The following DSCAM variants were observed in gnomAD, a reference collection of about 807,000 sequenced individuals.
The protein encoded by DSCAM is cell adhesion molecule DSCAM.
Under a neutral mutation model 217.7 loss-of-function variants are expected in DSCAM, and 47 were observed. That is an observed-to-expected ratio of 0.22 (90% CI 0.17 to 0.28). The LOEUF is 0.28. Ranked by LOEUF, DSCAM falls within the 10% of genes least tolerant of loss-of-function variation. The pLI is 1.00. For missense variants in DSCAM, 2,080 were observed against 2,618.3 expected (o/e 0.79, Z 4.49); for synonymous variants, 1,056 against 1,015.3 (o/e 1.04, Z -0.76).
intron 3 of DSCAM, among the ~76,000 whole-genome samples, chr21:40,437,857 A>C (rs1474894836): frequency 6.6e-6 from 1 of 152,188 alleles, no homozygotes; most frequent in Non-Finnish European, 1.5e-5. Context: ...TCTCAAAAAA[A>C]CAAAAGAAAA....
At chr21:40,485,713 T>C (rs1033123905) in intron 3 of DSCAM, among the ~76,000 whole-genome samples, 153 of 152,288 alleles carry the variant, frequency 1.0e-3, no homozygotes, top group African/African-American at 3.6e-3. Flanking sequence ...TACATGCATA[T>C]GTTATTTCTA....
intron 1 of DSCAM, among the ~76,000 whole-genome samples, chr21:40,763,914 T>A (rs1336361923): frequency 6.6e-6 from 1 of 152,096 alleles, no homozygotes; most frequent in Non-Finnish European, 1.5e-5. Flanking sequence ...GAAACTGGAC[T>A]CCTTCCTTAA....
At chr21:40,780,445 A>C (rs569168894) in intron 1 of DSCAM, among the ~76,000 whole-genome samples, 2 of 142,314 alleles carry the variant, frequency 1.4e-5, no homozygotes, top group Admixed American at 7.2e-5. Flanking sequence ...ATATATATAT[A>C]TATCTCCTGT....
At chr21:40,775,741 T>G (rs78234132) in intron 1 of DSCAM, among the ~76,000 whole-genome samples, 1 of 152,200 alleles carries the variant, frequency 6.6e-6, no homozygotes, top group Admixed American at 6.5e-5. Context: ...GCATCCCTGG[T>G]TCTCAAAGTA....
chr21:40,516,758 C>T (rs1170228809), intron 3 of DSCAM, among the ~76,000 whole-genome samples: 1 of 151,870 alleles, frequency 6.6e-6, no homozygotes, highest in Non-Finnish European at 1.5e-5. Context: ...TCTGCAGTGC[C>T]CCAGTGTGGG....
chr21:40,174,419 C>T (rs2090698558), intron 15 of DSCAM, among the ~76,000 whole-genome samples: 1 of 152,012 alleles, frequency 6.6e-6, no homozygotes, highest in Non-Finnish European at 1.5e-5. Context: ...GTAGATACAG[C>T]AGAAATCTAA....
At chr21:40,738,015 G>A (rs1436431604) in intron 1 of DSCAM, among the ~76,000 whole-genome samples, 2 of 152,122 alleles carry the variant, frequency 1.3e-5, no homozygotes. Context: ...AGCCTTCAAG[G>A]GATGCTGTGG....
chr21:40,067,735 C>CCCTCCCT (rs1469940767), intron 27 of DSCAM, among the ~76,000 whole-genome samples: 1 of 37,724 alleles, frequency 2.7e-5, no homozygotes, highest in African/African-American at 1.3e-4. Context: ...TTCCCTCCCT[C>CCCTCCCT]CCCTCATTCC....
At chr21:40,231,429 G>T (rs535237257) in intron 11 of DSCAM, among the ~76,000 whole-genome samples, 2 of 152,028 alleles carry the variant, frequency 1.3e-5, no homozygotes, top group African/African-American at 2.4e-5. Flanking sequence ...CTAGATTTCC[G>T]GGTGAGAGTT....
intron 3 of DSCAM, among the ~76,000 whole-genome samples, chr21:40,614,173 C>T (rs2089355236): frequency 6.6e-6 from 1 of 152,166 alleles, no homozygotes; most frequent in African/African-American, 2.4e-5. Context: ...GTCATGAGGC[C>T]ATGGAAGTCA....
At chr21:40,089,557 C>T (rs1223215516) in intron 21 of DSCAM, among the ~76,000 whole-genome samples, 3 of 152,162 alleles carry the variant, frequency 2.0e-5, no homozygotes. Context: ...AAGCAGTGGT[C>T]CTCCTCTTCT....
At chr21:40,476,555 T>G (rs1378208229) in intron 3 of DSCAM, among the ~76,000 whole-genome samples, 7 of 152,198 alleles carry the variant, frequency 4.6e-5, no homozygotes, top group African/African-American at 1.4e-4. Context: ...CCTTATCAGC[T>G]AAAATGTTTG....
chr21:40,399,392 G>A (rs1034961491), intron 3 of DSCAM, among the ~76,000 whole-genome samples: 1 of 152,164 alleles, frequency 6.6e-6, no homozygotes, highest in Non-Finnish European at 1.5e-5. Flanking sequence ...TTTCTATATT[G>A]GAAGCTGAGT....
intron 3 of DSCAM, among the ~76,000 whole-genome samples, chr21:40,590,291 C>T (rs1049343990): frequency 6.6e-6 from 1 of 152,210 alleles, no homozygotes; most frequent in Non-Finnish European, 1.5e-5. Flanking sequence ...CGAATATCCC[C>T]TATTTAGTGC....
At position 40,347,858 on chromosome 21, in the gene DSCAM, T is replaced by A; in HGVS notation, c.1022A>T (p.Glu341Val). The A allele has an allele frequency of 6.2e-7, 1 of 1,614,136 alleles. No individual in the cohort carries two copies. Among genetic ancestry groups the A allele is most frequent in the Non-Finnish European group, 8.5e-7 (1 of 1,179,996 alleles). ...VSLSCSVTGT[E>V]DQELSWYRNG... The stretch of plus-strand genomic sequence containing the variant: ...GCGGTACCAGGAGAGTTCCTGGTCC[T>A]CAGTTCCTGTCACGCTGCAGGACAA... The change falls in exon 6 of 33, where the codon GAG (glutamate) becomes GTG (valine). Residue 341 changes from glutamate to valine, a missense_variant. Glu to Val is a moderately radical substitution (Grantham distance 121, BLOSUM62 -2). Around this residue, in one of 5 missense-constraint regions of DSCAM, gnomAD observed 568 missense variants for 678.1 expected, o/e 0.84. Transcript: ENST00000400454.
chr21:40,338,271 T>A lies in DSCAM; in HGVS notation c.1613A>T (p.Tyr538Phe). The A allele has an allele frequency of 6.2e-7, 1 of 1,614,246 alleles. No individual in the cohort carries two copies. The highest frequency in any genetic ancestry group is 8.5e-7 in the Non-Finnish European group (1 of 1,180,038). ...IGYPYYSIKWYKNSNLLPFNH... is the reference protein window; with the variant it reads ...IGYPYYSIKWFKNSNLLPFNH... ...GAAAGGAAGCAGGTTAGAGTTCTTG[T>A]ACCATTTAATGGAGTAATACGGATA... The change falls in exon 8 of 33, where the codon TAC (tyrosine) becomes TTC (phenylalanine). Residue 538 changes from tyrosine to phenylalanine, a missense_variant. Tyr to Phe is a conservative substitution (Grantham distance 22). Around this residue, in one of 5 missense-constraint regions of DSCAM, gnomAD observed 218 missense variants for 364.1 expected, o/e 0.60. Coordinates refer to ENST00000400454, the MANE Select transcript of DSCAM (RefSeq NM_001389.5).
chr21:40,080,113 A>T (rs1365838803), intron 25 of DSCAM, 39 bp downstream of exon 25: 1 of 1,442,728 alleles, frequency 6.9e-7, no homozygotes, highest in South Asian at 1.2e-5. Context: ...TGGCCGGGAA[A>T]AGAAAGGATA....
chr21:40,402,049 CTTTTTTTTTTTT>C (rs71186933), intron 3 of DSCAM, among the ~76,000 whole-genome samples: 4 of 58,212 alleles, frequency 6.9e-5, no homozygotes, highest in East Asian at 1.3e-3. Context: ...ATTCTTATTC[CTTTTTTTTTTTT>C]TTTTTTTTTT....
At chr21:40,548,530 T>C (rs987934459) in intron 3 of DSCAM, among the ~76,000 whole-genome samples, 1 of 146,832 alleles carries the variant, frequency 6.8e-6, no homozygotes, top group Admixed American at 6.9e-5. Context: ...ATATGTACAA[T>C]ATAAAATATA....
Sources: allele counts gnomAD v4.1 joint callset (sites outside exome capture counted in the v4.1 genomes callset), GRCh38; gene constraint gnomAD v4.1.1; regional missense constraint gnomAD v4.1.1; transcripts MANE v1.5; gene names NCBI Gene and HGNC (gene_info 2026-07-23, HGNC 2026-07-21).